PCDHA4: variants seen among roughly 807,000 people sequenced by gnomAD.
PCDHA4 encodes the protein protocadherin alpha-4.
Under a neutral mutation model 61.4 loss-of-function variants are expected in PCDHA4, and 49 were observed. That is an observed-to-expected ratio of 0.80 (90% CI 0.63 to 1.01). The LOEUF is 1.01. Ranked by LOEUF, PCDHA4 falls within the 50% of genes least tolerant of loss-of-function variation. PCDHA4 has a pLI of 0.00. For missense variants in PCDHA4, 1,254 were observed against 1,235.8 expected, an observed-to-expected ratio of 1.01 and a Z score of -0.22; for synonymous variants, 590 against 550.3, an observed-to-expected ratio of 1.07 and a Z score of -1.01.
intron 1 of PCDHA4, among the ~76,000 whole-genome samples, chr5:140,972,152 A>T (rs1481801555): frequency 6.6e-6 from 1 of 151,770 alleles, no homozygotes; most frequent in African/African-American, 2.4e-5. Context: ...TTTTATTTTT[A>T]TTTTTTTGAG....
intron 1 of PCDHA4, among the ~76,000 whole-genome samples, chr5:140,965,199 T>C (rs1296377172): frequency 6.6e-6 from 1 of 152,234 alleles, no homozygotes. Context: ...AGGCAATAGA[T>C]TTCAAATTCC....
At chr5:141,000,103 G>A (rs551643743) in intron 3 of PCDHA4, among the ~76,000 whole-genome samples, 15 of 152,186 alleles carry the variant, frequency 9.9e-5, no homozygotes, top group Admixed American at 5.2e-4. Context: ...GCTCAACTCC[G>A]TCTCTTCCCT....
intron 1 of PCDHA4, among the ~76,000 whole-genome samples, chr5:140,923,122 C>T (rs1405376878): frequency 6.6e-6 from 1 of 152,130 alleles, no homozygotes; most frequent in Non-Finnish European, 1.5e-5. Context: ...TTTTTAGGGT[C>T]ACACTTTGAA....
Position 140,877,553 on chromosome 5 carries a change from T to C in PCDHA4, c.2385+67981T>C, listed in dbSNP as rs781933436. The C allele has an allele frequency of 1.9e-6, 3 of 1,613,720 alleles. No individual in the cohort carries two copies. The South Asian group carries it at 3.3e-5, about 18-fold the overall frequency. On this transcript the variant is annotated intron_variant, in intron 1 of 3. Coordinates refer to ENST00000530339, the MANE Select transcript of PCDHA4 (RefSeq NM_018907.4). ...GCTGTGGATCCCGAAGCGGCTCTGG[T>C]GGATATTAACGTGTACCTCATCATC...
At position 140,901,836 on chromosome 5, in the gene PCDHA4, G is replaced by A. The variant is rs183480993; in HGVS notation, c.2386-77113G>A. On this transcript the variant is annotated intron_variant, in intron 1 of 3. Coordinates refer to ENST00000530339, the MANE Select transcript of PCDHA4 (RefSeq NM_018907.4). The stretch of plus-strand genomic sequence containing the variant: ...ATTGATTCTTCCAGTCCATAAACAT[G>A]CAATATCTTTCCATTTTTTTGTGTC... 2.6e-3 allele frequency among the ~76,000 whole-genome samples: 395 copies of A among 152,228 alleles called. 2 individuals carry two copies. The highest frequency in any genetic ancestry group is 9.2e-3 in the African/African-American group (384 of 41,554).
chr5:140,869,511 A>G, intron 1 of PCDHA4: 1 of 1,614,194 alleles, frequency 6.2e-7, no homozygotes, highest in Non-Finnish European at 8.5e-7. Context: ...TCTCGCTCAG[A>G]GAACAAAAGC....
rs782248203 is a variant in PCDHA4 at position 140,808,887 on chromosome 5, C to A, written c.1700C>A (p.Ala567Glu). ...AACGACAACGCGCCAGCACTGCTAG[C>A]GCCTCGGGCGGGTGGCACTGGTGGC... Reference protein sequence around the residue: ...DENDNAPALLAPRAGGTGGAV... With the variant: ...DENDNAPALLEPRAGGTGGAV... Residue 567 changes from alanine (A) to glutamate (E), a missense_variant, in exon 1 of 4, where the codon GCG becomes GAG. Ala to Glu is a moderately radical substitution (Grantham distance 107, BLOSUM62 -1). Coordinates refer to ENST00000530339, the MANE Select transcript of PCDHA4 (RefSeq NM_018907.4). 1 of 1,613,290 alleles carries A rather than the reference C, an allele frequency of 6.2e-7. No individual in the cohort carries two copies. The highest frequency in any genetic ancestry group is 1.1e-5 in the South Asian group (1 of 91,060).
chr5:140,989,728 A>T (rs1453115061), intron 3 of PCDHA4, among the ~76,000 whole-genome samples: 6 of 152,184 alleles, frequency 3.9e-5, no homozygotes, highest in Admixed American at 3.9e-4. Flanking sequence ...TTGCAGTTGA[A>T]AAGGCCATTG....
At chr5:140,827,617 C>T (rs2150148430) in intron 1 of PCDHA4, among the ~76,000 whole-genome samples, 1 of 152,176 alleles carries the variant, frequency 6.6e-6, no homozygotes, top group Non-Finnish European at 1.5e-5. Flanking sequence ...TTCTTTTCTA[C>T]CAAGAGTGTA....
chr5:140,858,016 G>T, intron 1 of PCDHA4: 1 of 1,596,850 alleles, frequency 6.3e-7, no homozygotes, highest in Non-Finnish European at 8.6e-7. Context: ...ATGGCGAGCC[G>T]TCGCTGACGG....
At chr5:140,822,419 A>T (rs2150116239) in intron 1 of PCDHA4, 14 of 1,614,096 alleles carry the variant, frequency 8.7e-6, no homozygotes, top group East Asian at 2.2e-5. Flanking sequence ...ATTGCAACTG[A>T]TGGAGGAAAA....
intron 3 of PCDHA4, among the ~76,000 whole-genome samples, chr5:140,985,081 G>C (rs1028077723): frequency 1.3e-5 from 2 of 152,088 alleles, no homozygotes; most frequent in African/African-American, 4.8e-5. Flanking sequence ...GAGACTACAG[G>C]CGTGTGCCAC....
intron 1 of PCDHA4, chr5:140,881,365 T>A (rs1216010175): frequency 1.0e-6 from 1 of 985,144 alleles, no homozygotes; most frequent in Non-Finnish European, 1.2e-6. Flanking sequence ...GGCTTTCGTA[T>A]GAATTGCAGC....
chr5:140,988,578 C>A (rs1490917539), intron 3 of PCDHA4, among the ~76,000 whole-genome samples: 1 of 152,138 alleles, frequency 6.6e-6, no homozygotes, highest in African/African-American at 2.4e-5. Context: ...ACACTCTGTA[C>A]CTTCCACTTT....
intron 1 of PCDHA4, among the ~76,000 whole-genome samples, chr5:140,833,179 G>T (rs928347111): frequency 6.6e-6 from 1 of 152,198 alleles, no homozygotes; most frequent in Non-Finnish European, 1.5e-5. Flanking sequence ...GAAGATGACT[G>T]CAAGGATTAA....
At chr5:140,980,837 A>T (rs1189348118) in intron 2 of PCDHA4, among the ~76,000 whole-genome samples, 1 of 152,160 alleles carries the variant, frequency 6.6e-6, no homozygotes, top group Non-Finnish European at 1.5e-5. Context: ...TGTGAACCTA[A>T]ATAATACTAA....
chr5:140,924,116 G>C (rs2081683465), intron 1 of PCDHA4, among the ~76,000 whole-genome samples: 1 of 152,178 alleles, frequency 6.6e-6, no homozygotes, highest in African/African-American at 2.4e-5. Flanking sequence ...AAAGCAGTTA[G>C]CTTGCTTAGC....
chr5:140,822,477 T>G (rs201571132), intron 1 of PCDHA4: 746 of 1,613,830 alleles, frequency 4.6e-4, no homozygotes, highest in Non-Finnish European at 6.1e-4. Flanking sequence ...TATTGGATGC[T>G]AATGATAACG....
intron 1 of PCDHA4, among the ~76,000 whole-genome samples, chr5:140,932,087 A>G (rs1262295013): frequency 6.6e-6 from 1 of 151,918 alleles, no homozygotes; most frequent in African/African-American, 2.4e-5. Flanking sequence ...TCAGGAAAAC[A>G]TGGTTTTTAT....
Sources: allele counts gnomAD v4.1 joint callset (sites outside exome capture counted in the v4.1 genomes callset), GRCh38; gene constraint gnomAD v4.1.1; transcripts MANE v1.5; gene names NCBI Gene and HGNC (gene_info 2026-07-23, HGNC 2026-07-21).